PILRA: variants seen among roughly 807,000 people sequenced by gnomAD.
The protein encoded by PILRA is paired immunoglobulin-like type 2 receptor alpha.
A neutral mutation model predicts 33.1 loss-of-function variants in PILRA; 37 were observed. The observed-to-expected ratio is 1.12, with a 90% CI of 0.86 to 1.47. The LOEUF is 1.47. Ranked by LOEUF, PILRA falls within the 40% of genes most tolerant of loss-of-function variation. PILRA has a pLI of 0.00. For missense variants in PILRA, 312 were observed against 376.2 expected, an observed-to-expected ratio of 0.83 and a Z score of 1.41; for synonymous variants, 146 against 149.9, an observed-to-expected ratio of 0.97 and a Z score of 0.19.
intron 2 of PILRA, among the ~76,000 whole-genome samples, chr7:100,376,812 C>T (rs1336067745): frequency 6.8e-6 from 1 of 146,576 alleles, no homozygotes; most frequent in Non-Finnish European, 1.5e-5. Context: ...CTCTGTCACC[C>T]AGGCTGGAGT....
At chr7:100,397,318 G>A (rs915863202) in intron 3 of PILRA, among the ~76,000 whole-genome samples, 20 of 152,010 alleles carry the variant, frequency 1.3e-4, no homozygotes, top group African/African-American at 4.6e-4. Flanking sequence ...CACGGGGATG[G>A]GAGGGGCAGG....
chr7:100,399,050 C>T (rs545262928), intron 4 of PILRA, among the ~76,000 whole-genome samples: 1 of 152,138 alleles, frequency 6.6e-6, no homozygotes, highest in Admixed American at 6.6e-5. Context: ...GTGATCCTCC[C>T]ACCTCAGCCT....
chr7:100,384,450 C>T (rs1268588255), intron 2 of PILRA, among the ~76,000 whole-genome samples: 20 of 140,166 alleles, frequency 1.4e-4, no homozygotes, highest in East Asian at 8.2e-4. Context: ...TTTTTTGAGA[C>T]GGAGTCTCAC....
chr7:100,390,578 A>G (rs560398358), intron 3 of PILRA, among the ~76,000 whole-genome samples: 1 of 152,328 alleles, frequency 6.6e-6, no homozygotes, highest in South Asian at 2.1e-4. Context: ...TGGGGTTTTC[A>G]GTTGCCTCAA....
intron 5 of PILRA, 46 bp from the exon 6 acceptor site, chr7:100,399,535 G>C (rs1239462540): frequency 1.2e-6 from 2 of 1,610,726 alleles, no homozygotes; most frequent in Non-Finnish European, 1.7e-6. Context: ...CTCTCCCCTG[G>C]CTGTCACGCC....
chr7:100,379,460 G>A (rs1271966135), intron 2 of PILRA, among the ~76,000 whole-genome samples: 2 of 151,996 alleles, frequency 1.3e-5, no homozygotes, highest in Non-Finnish European at 1.5e-5. Context: ...GAGGTCAGGA[G>A]TTCGAGACCA....
chr7:100,391,747 C>A (rs1791394096), intron 3 of PILRA, among the ~76,000 whole-genome samples: 1 of 152,164 alleles, frequency 6.6e-6, no homozygotes, highest in Non-Finnish European at 1.5e-5. Flanking sequence ...CAGGAATAAG[C>A]CCCTGTTTCC....
At chr7:100,391,144 G>A (rs1348019860) in intron 3 of PILRA, among the ~76,000 whole-genome samples, 3 of 146,752 alleles carry the variant, frequency 2.0e-5, no homozygotes, top group African/African-American at 5.0e-5. Context: ...GGGAGACCCT[G>A]TCTCTACAAA....
chr7:100,399,737 C>G, intron 6 of PILRA, 48 bp from the exon 7 acceptor site: 1 of 1,611,488 alleles, frequency 6.2e-7, no homozygotes, highest in Non-Finnish European at 8.5e-7. Flanking sequence ...AAGATGGGAA[C>G]AGCTCCGTCT....
intron 2 of PILRA, chr7:100,376,129 A>G (rs534030854): frequency 6.6e-6 from 1 of 152,320 alleles, no homozygotes; most frequent in South Asian, 2.1e-4. Context: ...AGGGACCTGC[A>G]GGGACGGACA....
intron 3 of PILRA, among the ~76,000 whole-genome samples, chr7:100,393,568 C>T (rs1791432704): frequency 6.6e-6 from 1 of 152,140 alleles, no homozygotes; most frequent in African/African-American, 2.4e-5. Flanking sequence ...GAATTGTTGT[C>T]AGTTGCTACC....
chr7:100,384,266 T>C (rs1338105914), intron 2 of PILRA, among the ~76,000 whole-genome samples: 1 of 151,844 alleles, frequency 6.6e-6, no homozygotes, highest in Non-Finnish European at 1.5e-5. Flanking sequence ...AACTCTGTTT[T>C]GGACATCTTA....
chr7:100,397,808 C>T, intron 3 of PILRA, 71 bp from the exon 4 acceptor site: 1 of 1,501,608 alleles, frequency 6.7e-7, no homozygotes, highest in Non-Finnish European at 9.3e-7. Context: ...GCCTAGGGCG[C>T]AGCAGAGAAG....
At chr7:100,397,363 G>A (rs1791521244) in intron 3 of PILRA, among the ~76,000 whole-genome samples, 1 of 152,022 alleles carries the variant, frequency 6.6e-6, no homozygotes. Context: ...ATTCAGGGTG[G>A]GACCAGCCAG....
chr7:100,381,444 CAAAA>C (rs60123996), intron 2 of PILRA, among the ~76,000 whole-genome samples: 17 of 82,044 alleles, frequency 2.1e-4, no homozygotes, highest in African/African-American at 5.7e-4. Context: ...GATCCTGACT[CAAAA>C]AAAAAAAAAA....
At chr7:100,383,835 C>T (rs968938995) in intron 2 of PILRA, among the ~76,000 whole-genome samples, 1 of 152,092 alleles carries the variant, frequency 6.6e-6, no homozygotes, top group Admixed American at 6.6e-5. Context: ...CAGGGTTTCA[C>T]CATGTTGGCC....
chr7:100,380,290 G>A (rs866646074), intron 2 of PILRA, among the ~76,000 whole-genome samples: 5 of 152,142 alleles, frequency 3.3e-5, no homozygotes, highest in Middle Eastern at 3.2e-3. Flanking sequence ...CCCATGAAAC[G>A]CAAAGAACAA....
rs1398314503 is a variant in PILRA, at chr7:100,392,387, C to T, written c.673+2281C>T. 2.6e-5 allele frequency among the ~76,000 whole-genome samples: 4 copies of T among 152,140 alleles called. No homozygotes were observed. The South Asian group carries it at 6.2e-4, about 24-fold the overall frequency. The stretch of plus-strand genomic sequence containing the variant: ...CAGTCAGATCCTGGCCTCACACCTT[C>T]GCCAGGGAAACAGCCTTGTTGGTAC... On this transcript the variant is annotated intron_variant, in intron 3 of 6. Coordinates refer to ENST00000198536, the MANE Select transcript of PILRA (RefSeq NM_013439.3).
intron 2 of PILRA, among the ~76,000 whole-genome samples, chr7:100,386,603 A>C (rs1791260438): frequency 6.6e-6 from 1 of 152,030 alleles, no homozygotes; most frequent in Non-Finnish European, 1.5e-5. Flanking sequence ...CTGCAGCCTC[A>C]ACCTCCTGGG....
Sources: gnomAD v4.1 joint callset for allele counts (sites outside exome capture counted in the v4.1 genomes callset) on GRCh38, gnomAD v4.1.1 for gene constraint, MANE v1.5 for transcripts, NCBI Gene and HGNC (gene_info 2026-07-23, HGNC 2026-07-21) for gene names.